Variants in RTKN2 observed in about 807,000 individuals in gnomAD.
RTKN2 encodes the protein rhotekin 2, also known as rhotekin-2.
RTKN2 carries 69 observed loss-of-function variants against 71.5 expected under a neutral mutation model. The ratio of observed to expected loss-of-function variants is 0.96; its 90% CI spans 0.79 to 1.18. The LOEUF (loss-of-function observed/expected upper bound fraction) is 1.18. RTKN2 is among the 50% of genes most tolerant of loss of function. The probability of loss-of-function intolerance (pLI) is 0.00; values close to 1 mark genes in which losing one functional copy is unlikely to be tolerated. For missense variants in RTKN2, 724 were observed against 719.7 expected (o/e 1.01, Z -0.07); for synonymous variants, 236 against 236.5 (o/e 1.00, Z 0.02).
intron 4 of RTKN2, among the ~76,000 whole-genome samples, 168 bp from the exon 5 acceptor site, chr10:62,239,933 A>G (rs1052950781): frequency 6.6e-6 from 1 of 152,154 alleles, no homozygotes; most frequent in African/African-American, 2.4e-5. Context: ...ATATAGGAAT[A>G]CCTTACTCAA....
chr10:62,252,888 AAC>A (rs1842608147), intron 2 of RTKN2, among the ~76,000 whole-genome samples: 1 of 152,066 alleles, frequency 6.6e-6, no homozygotes, highest in Non-Finnish European at 1.5e-5. Flanking sequence ...AAATTATAGT[AAC>A]TACTATGACT....
chr10:62,266,964 A>T (rs1425686791), intron 1 of RTKN2, among the ~76,000 whole-genome samples: 1 of 152,262 alleles, frequency 6.6e-6, no homozygotes, highest in African/African-American at 2.4e-5. Context: ...CCAGGGTTTC[A>T]GCAGAGGTGT....
At position 62,193,879 on chromosome 10, in the gene RTKN2, A is replaced by G; in HGVS notation, c.*4029T>C. On this transcript the variant is annotated 3_prime_UTR_variant, in exon 12 of 12. Coordinates refer to ENST00000373789, the MANE Select transcript of RTKN2 (RefSeq NM_145307.4). Reference sequence around the variant, plus strand: ...CATGGCTTATCAGAATGTTAGTCTTATAATAATTAGCACCAGCTACTTGGT... The same window carrying G: ...CATGGCTTATCAGAATGTTAGTCTTGTAATAATTAGCACCAGCTACTTGGT... 6.1e-6 allele frequency: 6 copies of G among 980,502 alleles called. No individual in the cohort carries two copies. The highest frequency in any genetic ancestry group is 1.7e-5 in the African/African-American group (1 of 57,248). The allele number at this position is 980,502 out of a possible 1,614,324, so 60.7% of individuals were successfully genotyped here.
intron 9 of RTKN2, among the ~76,000 whole-genome samples, chr10:62,209,731 CTG>C (rs1385482788): frequency 6.6e-6 from 1 of 152,002 alleles, no homozygotes; most frequent in Non-Finnish European, 1.5e-5. Flanking sequence ...TTTTCTGTTC[CTG>C]TGTTAGTTTG....
rs1182064888 is a variant in RTKN2, at chr10:62,246,205, C to T, written c.258-148G>A. The T allele has an allele frequency of 1.4e-5, 8 of 583,070 alleles. No homozygotes were observed. The East Asian group carries it at 2.4e-4, about 17-fold the overall frequency. The allele number at this position is 583,070 out of a possible 1,614,324, so 36.1% of individuals were successfully genotyped here. On this transcript the variant is annotated intron_variant, in intron 2 of 11. Transcript: ENST00000373789. ...GTTAATGTAAACTATTTGACTCAAA[C>T]TTTAAGATGTTTAGTCAAGTTAGCA...
intron 2 of RTKN2, among the ~76,000 whole-genome samples, chr10:62,254,388 G>A (rs1301489432): frequency 6.6e-6 from 1 of 152,136 alleles, no homozygotes; most frequent in Non-Finnish European, 1.5e-5. Context: ...TGCCATGACT[G>A]TAAGTTTCCT....
At chr10:62,241,296 T>G in intron 3 of RTKN2, 101 bp from the exon 4 acceptor site, 1 of 657,074 alleles carries the variant, frequency 1.5e-6, no homozygotes, top group Non-Finnish European at 2.7e-6. Flanking sequence ...CTGACTACTA[T>G]AGCTAAAATA....
At position 62,268,620 on chromosome 10, in the gene RTKN2, G is replaced by A; in HGVS notation, c.-10C>T. ...GGCTCGGCCCCTCCATCTCCAACGC[G>A]AACTGTCCGGGCCGTCGCCACTCCT... On this transcript the variant is annotated 5_prime_UTR_variant, in exon 1 of 12. Transcript: ENST00000373789. The A allele has an allele frequency of 6.4e-7, 1 of 1,557,026 alleles. No individual in the cohort carries two copies. Among genetic ancestry groups the A allele is most frequent in the Non-Finnish European group, 8.7e-7 (1 of 1,150,356 alleles).
At position 62,194,602 on chromosome 10, in the gene RTKN2, C is replaced by T. The variant is rs2132774851; in HGVS notation, c.*3306G>A. On this transcript the variant is annotated 3_prime_UTR_variant, in exon 12 of 12. Coordinates refer to ENST00000373789, the MANE Select transcript of RTKN2 (RefSeq NM_145307.4). ...ACTCTGTCCATGTAGTATAGTTGTG[C>T]CTCATTCGTGGTAACACAGGTGATT... 3.0e-6 allele frequency: 3 copies of T among 985,388 alleles called. No homozygotes were observed. The highest frequency in any genetic ancestry group is 3.6e-6 in the Non-Finnish European group (3 of 829,912). The allele number at this position is 985,388 out of a possible 1,614,324, so 61.0% of individuals were successfully genotyped here. A position where few individuals can be genotyped will look rare whatever the true frequency, so the allele number is the denominator to read the frequency against.
chr10:62,185,199 TAA>T (rs78034993), intron 8 of RTKN2, among the ~76,000 whole-genome samples: 2 of 142,874 alleles, frequency 1.4e-5, no homozygotes, highest in Non-Finnish European at 3.1e-5. Flanking sequence ...CCTCCACAGT[TAA>T]AAAAAAAAAA....
chr10:62,227,137 C>T (rs569696082), intron 6 of RTKN2, among the ~76,000 whole-genome samples: 82 of 151,844 alleles, frequency 5.4e-4, no homozygotes, highest in South Asian at 3.8e-3. Context: ...GGTGTTAAAA[C>T]GACAACAATC....
intron 6 of RTKN2, among the ~76,000 whole-genome samples, chr10:62,231,841 C>T (rs988518177): frequency 1.3e-5 from 2 of 152,084 alleles, no homozygotes; most frequent in South Asian, 2.1e-4. Context: ...TAGAAATCTT[C>T]GCATTGACCT....
chr10:62,184,287 T>G (rs975977561), exon 9 of RTKN2: 1 of 1,373,278 alleles, frequency 7.3e-7, no homozygotes, highest in Non-Finnish European at 1.0e-6. Context: ...GTATTTTAAA[T>G]TTTTCACACT....
At chr10:62,228,535 A>G (rs541974072) in intron 6 of RTKN2, among the ~76,000 whole-genome samples, 1 of 152,344 alleles carries the variant, frequency 6.6e-6, no homozygotes, top group African/African-American at 2.4e-5. Flanking sequence ...GGAATATAAA[A>G]AATTATTTTC....
chr10:62,215,061 CT>C, intron 9 of RTKN2: 1 of 1,520,024 alleles, frequency 6.6e-7, no homozygotes, highest in Non-Finnish European at 8.9e-7. Context: ...AGTTGAATTC[CT>C]TCGAGACTGT....
rs187335321 is a variant in RTKN2, at chr10:62,207,153, G to A, written c.1021-2131C>T. 5.9e-3 allele frequency among the ~76,000 whole-genome samples: 891 copies of A among 152,094 alleles called. 4 individuals are homozygous for A. The highest frequency in any genetic ancestry group is 8.9e-3 in the Non-Finnish European group (602 of 67,898). Reference sequence around the variant, plus strand: ...TTCAATCTTTAAATAAGGGAAATTTGATTTTTATAGATGAATTTGGATATT... The same window carrying A: ...TTCAATCTTTAAATAAGGGAAATTTAATTTTTATAGATGAATTTGGATATT... On this transcript the variant is annotated intron_variant, in intron 9 of 11. Transcript: ENST00000373789.
chr10:62,268,555 TG>T lies in RTKN2; in HGVS notation c.55del (p.Gln19SerfsTer10). The stretch of plus-strand genomic sequence containing the variant: ...AGGGTCCCTCCCGCAACTCACCTGC[TG>T]GGTGGGAAGCCCCGCCAGGCGGAGC... ...PALRLAGLPT[Q>X]QDCNIQEKID... On this transcript the variant is annotated frameshift_variant, in exon 1 of 12. Transcript: ENST00000373789. LOFTEE classifies it high-confidence loss of function. The T allele has an allele frequency of 6.4e-7, 1 of 1,559,640 alleles. No individual in the cohort carries two copies. The highest frequency in any genetic ancestry group is 8.7e-7 in the Non-Finnish European group (1 of 1,151,636).
chr10:62,253,804 G>C (rs1006697409), intron 2 of RTKN2, among the ~76,000 whole-genome samples: 1 of 151,892 alleles, frequency 6.6e-6, no homozygotes, highest in Non-Finnish European at 1.5e-5. Flanking sequence ...AATTTGAAAA[G>C]AATCAACACT....
chr10:62,210,563 T>C (rs147240018), intron 9 of RTKN2, among the ~76,000 whole-genome samples: 3 of 152,260 alleles, frequency 2.0e-5, no homozygotes, highest in African/African-American at 7.2e-5. Context: ...ATAAATGAGT[T>C]ATTTGAAAAG....
Sources: gnomAD v4.1 joint callset for allele counts (sites outside exome capture counted in the v4.1 genomes callset) on GRCh38, gnomAD v4.1.1 for gene constraint, MANE v1.5 for transcripts, NCBI Gene and HGNC (gene_info 2026-07-23, HGNC 2026-07-21) for gene names.